SCP2: variants seen among roughly 807,000 people sequenced by gnomAD.
SCP2 encodes the protein SCP-2/3-oxoacyl-CoA thiolase.
A neutral mutation model predicts 71.4 loss-of-function variants in SCP2; 48 were observed. That is an observed-to-expected ratio of 0.67 (90% confidence interval 0.53 to 0.86). The LOEUF (loss-of-function observed/expected upper bound fraction) is 0.86, where lower values mean the gene tolerates loss of function less well. SCP2 is among the 40% of genes least tolerant of loss of function. The probability of loss-of-function intolerance (pLI) is 0.00; values close to 1 mark genes in which losing one functional copy is unlikely to be tolerated. For missense variants in SCP2, 560 were observed against 655.6 expected (o/e 0.85, Z 1.59); for synonymous variants, 220 against 218.1 (o/e 1.01, Z -0.08).
intron 1 of SCP2, among the ~76,000 whole-genome samples, chr1:52,935,664 T>G (rs1305663699): frequency 6.6e-6 from 1 of 150,482 alleles, no homozygotes; most frequent in East Asian, 2.0e-4. Flanking sequence ...TTGGGTCTAG[T>G]GAGTGGCTCA....
At chr1:52,939,337 G>A (rs776539603) in intron 1 of SCP2, among the ~76,000 whole-genome samples, 9 of 152,132 alleles carry the variant, frequency 5.9e-5, no homozygotes, top group East Asian at 1.9e-4. Flanking sequence ...CTTGAGCCCC[G>A]GAGTTCGAGA....
In SCP2 at chr1:52,988,041, C is replaced by A; in HGVS notation, c.986C>A (p.Thr329Lys). 6.4e-7 allele frequency: 1 copy of A among 1,574,126 alleles called. No individual in the cohort carries two copies. Among genetic ancestry groups the A allele is most frequent in the Non-Finnish European group, 8.7e-7 (1 of 1,144,972 alleles). ...LGLCPEGQGATLVDRGDNTYG... is the reference protein window; with the variant it reads ...LGLCPEGQGAKLVDRGDNTYG... ...TTTTCTTCTATAGGACAAGGTGCAACGCTGGTTGATAGAGGAGATAATACA... is the reference window on the plus strand; with the variant it reads ...TTTTCTTCTATAGGACAAGGTGCAAAGCTGGTTGATAGAGGAGATAATACA... The change falls in exon 11 of 16, where the codon ACG becomes AAG. Residue 329 changes from threonine (T) to lysine (K), a missense_variant. By Grantham distance (78) the Thr-to-Lys change is moderately conservative (BLOSUM62 -1). Around this residue, in one of 3 missense-constraint regions of SCP2, gnomAD observed 513 missense variants for 573.1 expected, o/e 0.90. Coordinates refer to ENST00000371514, the MANE Select transcript of SCP2 (RefSeq NM_002979.5).
chr1:53,035,249 AATAAAC>A lies in SCP2; in HGVS notation c.1339-3665_1339-3660del, dbSNP rs1339325139. Among the ~76,000 whole-genome samples, 8 of 152,330 alleles carry A rather than the reference AATAAAC, an allele frequency of 5.3e-5. No individual in the cohort carries two copies. In the South Asian group the frequency reaches 1.7e-3, roughly 32 times the overall value. Reference sequence around the variant, plus strand: ...GAACTCAACAGGTTGCCAGTTCCAAAATAAACATTAAAAGATTAGTATATTTTCTAT... The same window carrying A: ...GAACTCAACAGGTTGCCAGTTCCAAAATTAAAAGATTAGTATATTTTCTAT... On this transcript the variant is annotated intron_variant, in intron 13 of 15. Transcript: ENST00000371514.
At chr1:53,025,136 C>G (rs1572203715) in intron 12 of SCP2, among the ~76,000 whole-genome samples, 1 of 152,194 alleles carries the variant, frequency 6.6e-6, no homozygotes, top group Non-Finnish European at 1.5e-5. Context: ...TCTGTACTCT[C>G]CATGTGCACA....
intron 11 of SCP2, chr1:52,994,708 T>A: frequency 1.4e-6 from 1 of 703,104 alleles, no homozygotes; most frequent in South Asian, 1.5e-5. Flanking sequence ...AGCAAAAAAA[T>A]TAAAATAAAT....
chr1:53,038,833 TG>T, intron 13 of SCP2, 83 bp from the exon 14 acceptor site: 2 of 1,541,806 alleles, frequency 1.3e-6, no homozygotes, highest in Non-Finnish European at 1.8e-6. Context: ...ACTCATATCA[TG>T]TATCTATTTA....
intron 1 of SCP2, among the ~76,000 whole-genome samples, chr1:52,939,336 C>T (rs976354783): frequency 4.0e-5 from 6 of 151,898 alleles, no homozygotes; most frequent in East Asian, 1.9e-4. Flanking sequence ...GCTTGAGCCC[C>T]GGAGTTCGAG....
In SCP2 at chr1:52,964,441, C is replaced by T. The variant is rs141089785; in HGVS notation, c.523+2812C>T. 3.0e-3 allele frequency among the ~76,000 whole-genome samples: 451 copies of T among 151,910 alleles called. 11 individuals are homozygous for T. Among genetic ancestry groups the T allele is most frequent in the Admixed American group, 0.023 (349 of 15,250 alleles). ...GGTCTCAATCTCCTGACCTCGTGAT[C>T]CGCCCAACTCAGCCTCCCAAAGTGC... On this transcript the variant is annotated intron_variant, in intron 6 of 15. Transcript: ENST00000371514.
At chr1:52,996,390 C>A (rs1027554747) in intron 11 of SCP2, among the ~76,000 whole-genome samples, 6 of 152,184 alleles carry the variant, frequency 3.9e-5, no homozygotes, top group Admixed American at 2.6e-4. Context: ...GGCCACCATC[C>A]TAAGCCCAAA....
chr1:53,010,597 G>A (rs1296851910), intron 11 of SCP2, among the ~76,000 whole-genome samples: 1 of 152,124 alleles, frequency 6.6e-6, no homozygotes, highest in Non-Finnish European at 1.5e-5. Context: ...TTGGACACAT[G>A]GTGGGGAACA....
At chr1:53,014,839 G>T (rs1302134765) in intron 11 of SCP2, 51 bp from the exon 12 acceptor site, 4 of 1,603,440 alleles carry the variant, frequency 2.5e-6, no homozygotes, top group South Asian at 1.1e-5. Flanking sequence ...CCCTTTTCTG[G>T]CTTGAGAAAG....
chr1:52,969,883 G>T (rs551263900), intron 6 of SCP2, among the ~76,000 whole-genome samples: 1 of 152,224 alleles, frequency 6.6e-6, no homozygotes, highest in South Asian at 2.1e-4. Context: ...CTTTAAGTTA[G>T]TATATTTTCA....
intron 10 of SCP2, among the ~76,000 whole-genome samples, chr1:52,987,643 T>C (rs1299980596): frequency 6.6e-6 from 1 of 152,200 alleles, no homozygotes; most frequent in African/African-American, 2.4e-5. Flanking sequence ...AATACTTATA[T>C]AGTATATAGC....
chr1:52,944,505 G>A (rs1383422814), intron 2 of SCP2, among the ~76,000 whole-genome samples: 1 of 152,078 alleles, frequency 6.6e-6, no homozygotes, highest in Non-Finnish European at 1.5e-5. Flanking sequence ...TATCTTCTGC[G>A]TTGTTAAATG....
intron 10 of SCP2, among the ~76,000 whole-genome samples, chr1:52,981,536 A>G (rs1284032713): frequency 6.6e-6 from 1 of 151,422 alleles, no homozygotes; most frequent in South Asian, 2.1e-4. Flanking sequence ...TCCTGGGTTC[A>G]AGCAGTTCTT....
At chr1:53,025,946 TTA>T (rs1662101157) in intron 12 of SCP2, among the ~76,000 whole-genome samples, 1 of 152,218 alleles carries the variant, frequency 6.6e-6, no homozygotes, top group South Asian at 2.1e-4. Flanking sequence ...ACCTACTGTA[TTA>T]TAGAGACTCT....
chr1:52,946,564 G>A (rs1297364493), intron 2 of SCP2, among the ~76,000 whole-genome samples: 2 of 152,050 alleles, frequency 1.3e-5, no homozygotes, highest in African/African-American at 4.8e-5. Context: ...GGCAACATAT[G>A]AGAATGTTCT....
At chr1:53,038,035 T>C (rs989559906) in intron 13 of SCP2, among the ~76,000 whole-genome samples, 1 of 149,544 alleles carries the variant, frequency 6.7e-6, no homozygotes, top group Admixed American at 6.7e-5. Flanking sequence ...TCCCAACTAC[T>C]TGGGGGAGGC....
chr1:53,048,836 C>G lies in SCP2; in HGVS notation c.1548+899C>G, dbSNP rs1664013688. 2.6e-5 allele frequency: 4 copies of G among 152,250 alleles called. No individual in the cohort carries two copies. The South Asian group carries it at 8.3e-4, about 32-fold the overall frequency. 9.4% of individuals were successfully genotyped at this position (152,250 alleles called of 1,614,324 possible). On this transcript the variant is annotated intron_variant, in intron 15 of 15. Transcript: ENST00000371514. ...GAGCTTTCTGTCAACTTGATATATA[C>G]TGAGCTTTCCATTAATAAAAAAGAA...
Sources: allele counts gnomAD v4.1 joint callset (sites outside exome capture counted in the v4.1 genomes callset), GRCh38; gene constraint gnomAD v4.1.1; regional missense constraint gnomAD v4.1.1; transcripts MANE v1.5; gene names NCBI Gene and HGNC (gene_info 2026-07-23, HGNC 2026-07-21).